GSE1: variants seen among roughly 807,000 people sequenced by gnomAD.
GSE1 encodes the protein Gse1 coiled-coil protein.
GSE1 carries 32 observed loss-of-function variants against 112.6 expected under a neutral mutation model. The ratio of observed to expected loss-of-function variants is 0.28; its 90% CI spans 0.21 to 0.38. The LOEUF (loss-of-function observed/expected upper bound fraction) is 0.38, where lower values mean the gene tolerates loss of function less well. Among genes scored for constraint, GSE1 ranks in the 10% least tolerant of loss-of-function variants. GSE1 has a pLI of 1.00. For missense variants in GSE1, 2,348 were observed against 1,699.2 expected, an observed-to-expected ratio of 1.38 and a Z score of -6.71; for synonymous variants, 1,115 against 735.6, an observed-to-expected ratio of 1.52 and a Z score of -8.35.
At chr16:85,221,903 G>A (rs1008763560) in intron 1 of GSE1, among the ~76,000 whole-genome samples, 1 of 152,150 alleles carries the variant, frequency 6.6e-6, no homozygotes, top group African/African-American at 2.4e-5. Flanking sequence ...CCAGCTCTCT[G>A]TTGATCTGAG....
intron 1 of GSE1, among the ~76,000 whole-genome samples, chr16:85,343,163 C>T (rs374088504): frequency 6.6e-6 from 1 of 152,168 alleles, no homozygotes; most frequent in African/African-American, 2.4e-5. Flanking sequence ...CGGCACGCTC[C>T]TCAGCAATGA....
Position 85,315,896 on chromosome 16 carries a change from T to C in GSE1, c.2284-41567T>C, listed in dbSNP as rs1008417500. Among the ~76,000 whole-genome samples, 58 of 151,922 alleles carry C rather than the reference T, an allele frequency of 3.8e-4. 1 individual carries two copies. Among genetic ancestry groups the C allele is most frequent in the Non-Finnish European group, 8.8e-5 (6 of 67,980 alleles). On this transcript the variant is annotated intron_variant, in intron 1 of 2. Transcript: ENST00000637419. ...GGACCAAGCAAGTGTATCCGCTGCATCCCACGCCAGAGCACGGTGAAGCCC... is the reference window on the plus strand; with the variant it reads ...GGACCAAGCAAGTGTATCCGCTGCACCCCACGCCAGAGCACGGTGAAGCCC...
chr16:85,265,939 C>T (rs965149926), intron 1 of GSE1, among the ~76,000 whole-genome samples: 23 of 152,290 alleles, frequency 1.5e-4, no homozygotes, highest in African/African-American at 5.5e-4. Flanking sequence ...TCCGCTGTGC[C>T]TGGTTCTGCC....
chr16:85,418,752 C>T (rs980759456), intron 2 of GSE1, among the ~76,000 whole-genome samples: 28 of 152,186 alleles, frequency 1.8e-4, no homozygotes, highest in African/African-American at 6.8e-4. Context: ...AGCCGGCAAG[C>T]AGGGAGCCAC....
At chr16:85,216,471 C>G (rs985249174) in intron 1 of GSE1, among the ~76,000 whole-genome samples, 29 of 152,320 alleles carry the variant, frequency 1.9e-4, no homozygotes, top group African/African-American at 6.5e-4. Flanking sequence ...ATAATGTTAT[C>G]TGATTATAAT....
intron 2 of GSE1, among the ~76,000 whole-genome samples, chr16:85,374,487 G>A (rs2047374005): frequency 6.6e-6 from 1 of 151,636 alleles, no homozygotes; most frequent in Admixed American, 6.6e-5. Context: ...TTGTGTGTGG[G>A]TGTGTGGCTC....
At chr16:85,171,894 C>G (rs1329736655) in intron 1 of GSE1, 3 of 768,046 alleles carry the variant, frequency 3.9e-6, no homozygotes, top group Non-Finnish European at 4.8e-6. Flanking sequence ...CTCAGAAAAA[C>G]TCTGAAGGAG....
rs1298048390 is a variant in GSE1, at chr16:85,676,064, A to G, written c.*3525A>G. The G allele has an allele frequency of 6.5e-6, 1 of 152,690 alleles. No individual in the cohort carries two copies. Among genetic ancestry groups the G allele is most frequent in the African/African-American group, 2.4e-5 (1 of 41,468 alleles). The allele number at this position is 152,690 out of a possible 1,614,324, so 9.5% of individuals were successfully genotyped here. A position where few individuals can be genotyped will look rare whatever the true frequency, so the allele number is the denominator to read the frequency against. ...CTCTGGGGGCAGTTTAGATGCTGTG[A>G]AATTAAACCTGTTCTAAGTGTACTT... On this transcript the variant is annotated 3_prime_UTR_variant, in exon 16 of 16. Transcript: ENST00000253458.
At chr16:85,661,106 G>C (rs756502694) in intron 8 of GSE1, 40 bp from the exon 9 acceptor site, 2 of 1,526,032 alleles carry the variant, frequency 1.3e-6, no homozygotes, top group Non-Finnish European at 1.8e-6. Flanking sequence ...TGACTGAAGG[G>C]TCTTTTCTCC....
Position 85,467,044 on chromosome 16 carries a change from C to T in GSE1, c.2464+109401C>T, listed in dbSNP as rs573575477. On this transcript the variant is annotated intron_variant, in intron 2 of 2. Coordinates refer to the GSE1 transcript ENST00000637419. ...CACTGCACTCCAGCCTGGGCGACTCCATCTTAAAAATAAATAAAAAGGAAG... is the reference window on the plus strand; with the variant it reads ...CACTGCACTCCAGCCTGGGCGACTCTATCTTAAAAATAAATAAAAAGGAAG... Among the ~76,000 whole-genome samples the T allele has an allele frequency of 5.5e-4, 84 of 152,288 alleles. 2 individuals carry two copies. The highest frequency in any genetic ancestry group is 3.9e-3 in the South Asian group (19 of 4,830).
chr16:85,336,228 C>A (rs1156600933), intron 1 of GSE1, among the ~76,000 whole-genome samples: 1 of 152,212 alleles, frequency 6.6e-6, no homozygotes, highest in Admixed American at 6.5e-5. Flanking sequence ...CTGACATGCG[C>A]CACTCCAGCA....
intron 1 of GSE1, chr16:85,185,392 A>G (rs982372824): frequency 1.3e-5 from 2 of 152,314 alleles, no homozygotes; most frequent in Non-Finnish European, 2.9e-5. Flanking sequence ...TTCTGGTTTC[A>G]TGATTGCCAG....
rs369764645 is a variant in GSE1 at position 85,598,752 on chromosome 16, G to A, written c.37+42389G>A. On this transcript the variant is annotated intron_variant, in intron 1 of 2. Coordinates refer to the GSE1 transcript ENST00000635906. ...GCTGGGAGGGCTGGCTTGGCTGCTC[G>A]GATCTTGGCTGTCACCTCTTCCAAA... 3.9e-5 allele frequency among the ~76,000 whole-genome samples: 6 copies of A among 152,346 alleles called. 1 individual carries two copies. The highest frequency in any genetic ancestry group is 9.6e-5 in the African/African-American group (4 of 41,584).
At chr16:85,376,817 G>C (rs1439583356) in intron 2 of GSE1, among the ~76,000 whole-genome samples, 1 of 152,202 alleles carries the variant, frequency 6.6e-6, no homozygotes, top group Admixed American at 6.5e-5. Flanking sequence ...GTGAAGGGGA[G>C]GACAGGACAG....
Position 85,555,993 on chromosome 16 carries a change from A to G in GSE1, c.-334A>G, listed in dbSNP as rs1252883196. On this transcript the variant is annotated 5_prime_UTR_variant, in exon 1 of 3. Coordinates refer to the GSE1 transcript ENST00000635906. ...GCATCTCAAGTCCAAAAGGCAGAAA[A>G]TACACACGCGGCGAAGACACCCGGG... The G allele has an allele frequency of 3.0e-6, 3 of 984,268 alleles. No individual in the cohort carries two copies. The African/African-American group carries it at 5.3e-5, about 17-fold the overall frequency. The allele number at this position is 984,268 out of a possible 1,614,324, so 61.0% of individuals were successfully genotyped here.
intron 1 of GSE1, among the ~76,000 whole-genome samples, chr16:85,203,173 T>A (rs2075059194): frequency 6.6e-6 from 1 of 150,832 alleles, no homozygotes; most frequent in Admixed American, 6.6e-5. Flanking sequence ...GGGGCTGCTC[T>A]CCTAGGCACC....
intron 1 of GSE1, among the ~76,000 whole-genome samples, chr16:85,617,621 C>T (rs2048462099): frequency 6.9e-6 from 1 of 145,258 alleles, no homozygotes; most frequent in Non-Finnish European, 1.5e-5. Context: ...CGTTAACTGC[C>T]ACGTGCAGCC....
At chr16:85,255,538 A>C (rs2144061113) in intron 1 of GSE1, among the ~76,000 whole-genome samples, 1 of 151,936 alleles carries the variant, frequency 6.6e-6, no homozygotes, top group African/African-American at 2.4e-5. Flanking sequence ...CAGCCTCCCA[A>C]GTAGCTGGGA....
chr16:85,574,700 T>A (rs1295593787), intron 1 of GSE1, among the ~76,000 whole-genome samples: 1 of 152,224 alleles, frequency 6.6e-6, no homozygotes, highest in Non-Finnish European at 1.5e-5. Flanking sequence ...ATGTTTTTTT[T>A]CCTTCGGAAA....
Sources: gnomAD v4.1 joint callset for allele counts (sites outside exome capture counted in the v4.1 genomes callset) on GRCh38, gnomAD v4.1.1 for gene constraint, MANE v1.5 for transcripts, NCBI Gene and HGNC (gene_info 2026-07-23, HGNC 2026-07-21) for gene names.